The following ZNF536 variants were observed in gnomAD, a reference collection of about 807,000 sequenced individuals.
ZNF536 encodes zinc finger protein 536.
Under a neutral mutation model 84.5 loss-of-function variants are expected in ZNF536, and 13 were observed. The observed-to-expected ratio is 0.15, with a 90% CI of 0.10 to 0.24. The LOEUF (loss-of-function observed/expected upper bound fraction) is 0.24. Among genes scored for constraint, ZNF536 ranks in the 10% least tolerant of loss-of-function variants. The pLI, the probability that ZNF536 is intolerant of heterozygous loss-of-function variation, is 1.00. For synonymous variants in ZNF536, 811 were observed against 742.5 expected (o/e 1.09, Z -1.50); for missense variants, 1,536 against 1,747.5 (o/e 0.88, Z 2.16).
At chr19:30,694,698 TGG>T (rs775564724) in intron 1 of ZNF536, among the ~76,000 whole-genome samples, 6 of 152,062 alleles carry the variant, frequency 3.9e-5, no homozygotes, top group Non-Finnish European at 7.4e-5. Context: ...GAAATAGTGT[TGG>T]GGGAAAAAAA....
chr19:30,452,367 C>T (rs916790330), intron 2 of ZNF536, among the ~76,000 whole-genome samples: 1 of 152,194 alleles, frequency 6.6e-6, no homozygotes, highest in Non-Finnish European at 1.5e-5. Context: ...GAAGTGCGTT[C>T]CCAGGAAGGG....
chr19:30,249,138 C>T lies in ZNF536; in HGVS notation c.-190+20465C>T, dbSNP rs77316799. 6.9e-3 allele frequency among the ~76,000 whole-genome samples: 1,043 copies of T among 152,254 alleles called. 31 individuals are homozygous for T. Among genetic ancestry groups the T allele is most frequent in the Admixed American group, 0.05 (764 of 15,286 alleles). ...CTTTTGCTTTTGAGTTTTGGGGAGA[C>T]CCTTTCTTGAGTTTTCCTAAAGAAG... On this transcript the variant is annotated intron_variant, in intron 1 of 5. Transcript: ENST00000585628.
chr19:30,478,601 C>G (rs1359217088), intron 2 of ZNF536, among the ~76,000 whole-genome samples: 3 of 152,190 alleles, frequency 2.0e-5, no homozygotes, highest in Non-Finnish European at 4.4e-5. Flanking sequence ...CCTTAGATGA[C>G]TATTGTGAGA....
intron 1 of ZNF536, among the ~76,000 whole-genome samples, chr19:30,604,008 TG>T (rs1451275158): frequency 6.6e-6 from 1 of 152,176 alleles, no homozygotes; most frequent in African/African-American, 2.4e-5. Context: ...GAGAATCGCT[TG>T]AACCTGGGAG....
chr19:30,349,017 C>T (rs1600329004), intron 2 of ZNF536, among the ~76,000 whole-genome samples: 1 of 152,138 alleles, frequency 6.6e-6, no homozygotes, highest in Non-Finnish European at 1.5e-5. Context: ...AAGGGAAGGG[C>T]CTTCTGCCTC....
chr19:30,656,266 G>A (rs906681876), intron 1 of ZNF536, among the ~76,000 whole-genome samples: 1 of 152,150 alleles, frequency 6.6e-6, no homozygotes, highest in Non-Finnish European at 1.5e-5. Flanking sequence ...TTTATATGAT[G>A]AATTTAATTC....
intron 1 of ZNF536, among the ~76,000 whole-genome samples, chr19:30,576,709 C>T (rs1191256098): frequency 6.6e-6 from 1 of 152,198 alleles, no homozygotes; most frequent in Non-Finnish European, 1.5e-5. Context: ...ACTGGGTGCT[C>T]ACAGTGAGGC....
chr19:30,360,631 C>T (rs569220909), intron 3 of ZNF536, among the ~76,000 whole-genome samples: 90 of 152,180 alleles, frequency 5.9e-4, no homozygotes, highest in Admixed American at 2.0e-3. Flanking sequence ...CGGTCTGACG[C>T]GGTCAGAAAG....
intron 1 of ZNF536, among the ~76,000 whole-genome samples, chr19:30,402,623 C>T (rs7249051): frequency 0.018 from 2,754 of 151,674 alleles, 83 homozygotes; most frequent in African/African-American, 0.061. Context: ...CTGTACGGCT[C>T]GACAGGCTTC....
In ZNF536 at chr19:30,445,474, C is replaced by T. The variant is rs761713867; in HGVS notation, c.1912C>T (p.Arg638Trp). Residue 638 changes from arginine to tryptophan, a missense_variant, in exon 2 of 5, where the codon CGG (arginine) becomes TGG (tryptophan). Physicochemically the swap from Arg to Trp is moderately radical, Grantham distance 101. Coordinates refer to ENST00000355537, the MANE Select transcript of ZNF536 (RefSeq NM_014717.3). The surrounding 1 kb of genome is among the most constrained non-coding windows in gnomAD (Gnocchi z 4.5). ...EKPTECPDCG[R>W]VFRTYHQVVV... is the part of the protein sequence containing the mutation. ...GCCCACCGAGTGCCCCGACTGCGGCCGGGTGTTCCGCACTTACCACCAGGT... is the reference window on the plus strand; with the variant it reads ...GCCCACCGAGTGCCCCGACTGCGGCTGGGTGTTCCGCACTTACCACCAGGT... The T allele has an allele frequency of 3.7e-6, 6 of 1,614,170 alleles. No homozygotes were observed. Among genetic ancestry groups the T allele is most frequent in the South Asian group, 3.3e-5 (3 of 91,082 alleles).
chr19:30,279,623 C>T (rs1379232034), intron 1 of ZNF536, among the ~76,000 whole-genome samples: 1 of 152,164 alleles, frequency 6.6e-6, no homozygotes, highest in Non-Finnish European at 1.5e-5. Flanking sequence ...GAGGAGGTCT[C>T]AGAACCATGG....
downstream of ZNF536, among the ~76,000 whole-genome samples, chr19:30,560,363 A>G (rs1352109971): frequency 6.6e-6 from 1 of 151,852 alleles, no homozygotes; most frequent in Non-Finnish European, 1.5e-5. Flanking sequence ...TGGATATATA[A>G]CAAGCCCACC....
intron 1 of ZNF536, among the ~76,000 whole-genome samples, chr19:30,668,245 G>A (rs1242267917): frequency 6.6e-6 from 1 of 152,132 alleles, no homozygotes; most frequent in Non-Finnish European, 1.5e-5. Context: ...ACACCATGTA[G>A]AGATTCCACA....
At chr19:30,410,412 T>C (rs1014510682) in intron 1 of ZNF536, among the ~76,000 whole-genome samples, 2 of 142,036 alleles carry the variant, frequency 1.4e-5, no homozygotes, top group Non-Finnish European at 3.0e-5. Flanking sequence ...AATTTATAAA[T>C]AAAATAACTT....
At chr19:30,382,263 T>C (rs1026223475) in intron 1 of ZNF536, among the ~76,000 whole-genome samples, 2 of 152,218 alleles carry the variant, frequency 1.3e-5, no homozygotes, top group Non-Finnish European at 2.9e-5. Context: ...AGCTTAGTGG[T>C]CTGGACACCT....
intron 1 of ZNF536, among the ~76,000 whole-genome samples, chr19:30,634,489 T>G (rs2048995474): frequency 6.6e-6 from 1 of 151,946 alleles, no homozygotes; most frequent in Non-Finnish European, 1.5e-5. Flanking sequence ...CTGAATTTCC[T>G]AGAAAAAAGG....
intron 1 of ZNF536, among the ~76,000 whole-genome samples, chr19:30,672,757 AG>A (rs2050604602): frequency 1.3e-5 from 2 of 152,184 alleles, no homozygotes; most frequent in Non-Finnish European, 2.9e-5. Flanking sequence ...AGGCACAGGC[AG>A]TTTTTTGGGA....
At chr19:30,265,857 G>A (rs1241229156) in intron 1 of ZNF536, among the ~76,000 whole-genome samples, 5 of 152,008 alleles carry the variant, frequency 3.3e-5, no homozygotes, top group Admixed American at 1.3e-4. Flanking sequence ...CAAAGGGTAA[G>A]AAGAAGGTCC....
chr19:30,696,006 A>G (rs1387094938), intron 1 of ZNF536, among the ~76,000 whole-genome samples: 1 of 152,184 alleles, frequency 6.6e-6, no homozygotes, highest in African/African-American at 2.4e-5. Flanking sequence ...TATTTTTGCC[A>G]TCTCTGAGTG....
Sources: allele counts gnomAD v4.1 joint callset (sites outside exome capture counted in the v4.1 genomes callset), GRCh38; gene constraint gnomAD v4.1.1; non-coding constraint Gnocchi (gnomAD v3.1); transcripts MANE v1.5; gene names NCBI Gene and HGNC (gene_info 2026-07-23, HGNC 2026-07-21).